The following ZC3H18 variants were observed in gnomAD, a reference collection of about 807,000 sequenced individuals.
ZC3H18 encodes the protein zinc finger CCCH-type containing 18, also known as zinc finger CCCH domain-containing protein 18.
ZC3H18 carries 8 observed loss-of-function variants against 106.1 expected under a neutral mutation model. The observed-to-expected ratio is 0.08, with a 90% CI of 0.04 to 0.14. The LOEUF (loss-of-function observed/expected upper bound fraction) is 0.14, where lower values mean the gene tolerates loss of function less well. ZC3H18 is among the 10% of genes least tolerant of loss of function. The pLI, the probability that ZC3H18 is intolerant of heterozygous loss-of-function variation, is 1.00. For synonymous variants in ZC3H18, 635 were observed against 522.1 expected, an observed-to-expected ratio of 1.22 and a Z score of -2.95; for missense variants, 1,318 against 1,278.4, an observed-to-expected ratio of 1.03 and a Z score of -0.47.
intron 9 of ZC3H18, 136 bp downstream of exon 9, chr16:88,622,524 G>A: frequency 1.0e-6 from 1 of 967,410 alleles, no homozygotes; most frequent in Non-Finnish European, 1.5e-6. Context: ...AGACCAGTCA[G>A]TGGGACTAAC....
chr16:88,619,839 A>C (rs1301939768), intron 8 of ZC3H18, among the ~76,000 whole-genome samples: 1 of 152,106 alleles, frequency 6.6e-6, no homozygotes, highest in Admixed American at 6.5e-5. Context: ...CCTGTGACTT[A>C]TTGGTGCTCC....
Position 88,598,346 on chromosome 16 carries a change from T to A in ZC3H18, c.837+20T>A. The A allele has an allele frequency of 6.3e-7, 1 of 1,587,624 alleles. No homozygotes were observed. The highest frequency in any genetic ancestry group is 8.6e-7 in the Non-Finnish European group (1 of 1,169,318). ...CCTTGGGTGCGTGATGCCTCTTCTT[T>A]CATTGTTAGCACATCAGCCAACTGA... On this transcript the variant is annotated intron_variant, in intron 4 of 17. Transcript: ENST00000301011.
chr16:88,627,509 G>A lies in ZC3H18; in HGVS notation c.2109-113G>A, dbSNP rs1001829561. Reference sequence around the variant, plus strand: ...GTGTCCCCCCAAAATCACACATTCCGTGGGTACATGATCCATAAATGGACA... The same window carrying A: ...GTGTCCCCCCAAAATCACACATTCCATGGGTACATGATCCATAAATGGACA... On this transcript the variant is annotated intron_variant, in intron 13 of 17. Coordinates refer to ENST00000301011, the MANE Select transcript of ZC3H18 (RefSeq NM_144604.4). This position sits in a 1 kb window ranked among gnomAD's most constrained non-coding sequence, Gnocchi z 4.5. The A allele has an allele frequency of 4.2e-5, 59 of 1,400,742 alleles. No individual in the cohort carries two copies. Among genetic ancestry groups the A allele is most frequent in the Non-Finnish European group, 5.4e-5 (56 of 1,039,596 alleles). 86.8% of individuals were successfully genotyped at this position (1,400,742 alleles called of 1,614,324 possible).
rs1024711452 is a variant in ZC3H18, at chr16:88,627,492, C to A, written c.2109-130C>A. On this transcript the variant is annotated intron_variant, in intron 13 of 17. Transcript: ENST00000301011. The surrounding 1 kb of genome is among the most constrained non-coding windows in gnomAD (Gnocchi z 4.5). ...AACCCTGAAACTGCCCAGTGTCCCC[C>A]CAAAATCACACATTCCGTGGGTACA... 1.6e-5 allele frequency: 21 copies of A among 1,323,690 alleles called. No individual in the cohort carries two copies. In the African/African-American group the frequency reaches 2.2e-4, roughly 14 times the overall value. The allele number at this position is 1,323,690 out of a possible 1,614,324, so 82.0% of individuals were successfully genotyped here.
chr16:88,617,669 G>T (rs2142780069), intron 8 of ZC3H18, among the ~76,000 whole-genome samples: 1 of 152,322 alleles, frequency 6.6e-6, no homozygotes, highest in East Asian at 1.9e-4. Flanking sequence ...AGCTTGGCAG[G>T]CTCCTGCGGT....
intron 3 of ZC3H18, among the ~76,000 whole-genome samples, chr16:88,592,108 A>C (rs937203685): frequency 6.6e-6 from 1 of 152,228 alleles, no homozygotes; most frequent in South Asian, 2.1e-4. Context: ...GCTGTCTTCC[A>C]CAGTGGCTGT....
At chr16:88,581,265 G>A (rs999964796) in intron 2 of ZC3H18, among the ~76,000 whole-genome samples, 7 of 152,256 alleles carry the variant, frequency 4.6e-5, no homozygotes, top group Admixed American at 1.3e-4. Flanking sequence ...GCCTCCCAAA[G>A]TGCCAAGCCA....
At chr16:88,622,534 C>A (rs1029321886) in intron 9 of ZC3H18, 146 bp downstream of exon 9, 35 of 885,452 alleles carry the variant, frequency 4.0e-5, no homozygotes, top group Non-Finnish European at 5.2e-5. Context: ...GTGGGACTAA[C>A]CCGGCGTTTA....
chr16:88,585,551 C>A (rs1041627608), intron 2 of ZC3H18, among the ~76,000 whole-genome samples: 2 of 152,128 alleles, frequency 1.3e-5, no homozygotes, highest in Non-Finnish European at 2.9e-5. Flanking sequence ...AAGGACCTGT[C>A]GTAGGGGGAG....
intron 1 of ZC3H18, among the ~76,000 whole-genome samples, chr16:88,573,511 G>T (rs1315328707): frequency 6.6e-6 from 1 of 151,942 alleles, no homozygotes; most frequent in Non-Finnish European, 1.5e-5. Flanking sequence ...TGCATCAAGC[G>T]CCCCTGTGAT....
chr16:88,630,966 C>A (rs1016462084), intron 17 of ZC3H18, 135 bp from the exon 18 acceptor site: 3 of 1,117,262 alleles, frequency 2.7e-6, no homozygotes, highest in Non-Finnish European at 3.9e-6. Flanking sequence ...CAGTGGGAGC[C>A]TGGCCATCCA....
intron 3 of ZC3H18, among the ~76,000 whole-genome samples, chr16:88,596,080 C>A (rs1411228710): frequency 6.6e-6 from 1 of 152,090 alleles, no homozygotes; most frequent in East Asian, 1.9e-4. Context: ...GCTCAGCACC[C>A]CCGGGCAGGT....
intron 3 of ZC3H18, among the ~76,000 whole-genome samples, chr16:88,591,739 C>T (rs1225888134): frequency 6.6e-6 from 1 of 152,254 alleles, no homozygotes; most frequent in Non-Finnish European, 1.5e-5. Context: ...GCTTTCAGCT[C>T]TTTCGCATGT....
In ZC3H18 at chr16:88,631,187, C is replaced by T. The variant is rs1402253435; in HGVS notation, c.2750C>T (p.Thr917Ile). ...GKASDPGAAS[T>I]KSGKASTLSR... Reference sequence around the variant, plus strand: ...GCCTCGGATCCCGGCGCCGCCAGCACCAAATCAGGGAAGGCCAGCACGCTG... The same window carrying T: ...GCCTCGGATCCCGGCGCCGCCAGCATCAAATCAGGGAAGGCCAGCACGCTG... Residue 917 changes from threonine to isoleucine, a missense_variant, in exon 18 of 18, where the codon ACC becomes ATC. By Grantham distance (89) the Thr-to-Ile change is moderately conservative (BLOSUM62 -1). Around this residue, in one of 6 missense-constraint regions of ZC3H18, gnomAD observed 848 missense variants for 821.7 expected, o/e 1.03. Transcript: ENST00000301011. 1 of 1,613,674 alleles carries T rather than the reference C, an allele frequency of 6.2e-7. No homozygotes were observed. The highest frequency in any genetic ancestry group is 8.5e-7 in the Non-Finnish European group (1 of 1,180,032).
intron 8 of ZC3H18, among the ~76,000 whole-genome samples, chr16:88,614,095 C>T (rs895949222): frequency 6.6e-6 from 1 of 152,240 alleles, no homozygotes; most frequent in Admixed American, 6.5e-5. Flanking sequence ...ACTTCCCAGT[C>T]AGGAGTCTGT....
At chr16:88,611,913 C>G (rs954234980) in intron 8 of ZC3H18, among the ~76,000 whole-genome samples, 1 of 152,210 alleles carries the variant, frequency 6.6e-6, no homozygotes, top group African/African-American at 2.4e-5. Flanking sequence ...CAGGAGAGTT[C>G]TGAATTCCAA....
At position 88,628,002 on chromosome 16, in the gene ZC3H18, T is replaced by C; in HGVS notation, c.2352T>C (p.Pro784=). 6 of 1,614,012 alleles carry C rather than the reference T, an allele frequency of 3.7e-6. No individual in the cohort carries two copies. The highest frequency in any genetic ancestry group is 4.2e-6 in the Non-Finnish European group (5 of 1,180,014). The stretch of plus-strand genomic sequence containing the variant: ...CACAACCACCCAAATCTGCAAAACC[T>C]CCAGCAGGGGGGAAGTCCTCCCAGC... ...SSTQPPKSAK[P]PAGGKSSQQP... is the part of the protein sequence containing the mutation. Residue 784 remains proline, a synonymous_variant, in exon 15 of 18, where the codon CCT becomes CCC. Transcript: ENST00000301011.
intron 11 of ZC3H18, 183 bp from the exon 12 acceptor site, chr16:88,624,419 T>G: frequency 1.0e-6 from 1 of 974,996 alleles, no homozygotes. Flanking sequence ...CTGGGGGCTT[T>G]GAAGCCGTTC....
At chr16:88,610,615 A>G (rs1384019084) in intron 7 of ZC3H18, among the ~76,000 whole-genome samples, 1 of 152,238 alleles carries the variant, frequency 6.6e-6, no homozygotes, top group Non-Finnish European at 1.5e-5. Flanking sequence ...CCTGAAACCC[A>G]TCAGGTGCGT....
Sources: gnomAD v4.1 joint callset for allele counts (sites outside exome capture counted in the v4.1 genomes callset) on GRCh38, gnomAD v4.1.1 for gene constraint, gnomAD v4.1.1 regional missense constraint, Gnocchi (gnomAD v3.1) non-coding constraint, MANE v1.5 for transcripts, NCBI Gene and HGNC (gene_info 2026-07-23, HGNC 2026-07-21) for gene names.